Variants in ACADM observed in about 807,000 individuals in gnomAD.
ACADM encodes acyl-CoA dehydrogenase medium chain, also known as medium-chain specific acyl-CoA dehydrogenase, mitochondrial.
A neutral mutation model predicts 58.9 loss-of-function variants in ACADM; 49 were observed. The observed-to-expected ratio is 0.83, with a 90% CI of 0.66 to 1.06. The LOEUF is 1.06. Among genes scored for constraint, ACADM ranks in the 50% least tolerant of loss-of-function variants. The pLI is 0.00. For synonymous variants in ACADM, 160 were observed against 157.7 expected, an observed-to-expected ratio of 1.01 and a Z score of -0.11; for missense variants, 496 against 507.0, an observed-to-expected ratio of 0.98 and a Z score of 0.21.
Position 75,761,197 on chromosome 1 carries a change from G to T in ACADM, c.1021G>T (p.Ala341Ser), listed in dbSNP as rs1424545377. 1 of 1,614,040 alleles carries T rather than the reference G, an allele frequency of 6.2e-7. No individual in the cohort carries two copies. The highest frequency in any genetic ancestry group is 1.3e-5 in the African/African-American group (1 of 74,948). ...ELARMSYQRA[A>S]WEVDSGRRNT... ...AGCTAGAATGAGTTACCAGAGAGCA[G>T]CTTGGGAGGTTGATTCTGGTCGTCG... The change falls in exon 11 of 12, where the codon GCT becomes TCT. Residue 341 changes from alanine (A) to serine (S), a missense_variant. Coordinates refer to ENST00000370841, the MANE Select transcript of ACADM (RefSeq NM_000016.6).
intron 7 of ACADM, among the ~76,000 whole-genome samples, chr1:75,741,282 T>A (rs1332694556): frequency 6.6e-6 from 1 of 152,246 alleles, no homozygotes; most frequent in Non-Finnish European, 1.5e-5. Flanking sequence ...ACTAAAAAGT[T>A]ACTTAGATTA....
rs538518754 is a variant in ACADM at position 75,749,526 on chromosome 1, T to C, written c.816T>C (p.Val272=). 1 of 1,614,112 alleles carries C rather than the reference T, an allele frequency of 6.2e-7. No homozygotes were observed. Among genetic ancestry groups the C allele is most frequent in the African/African-American group, 1.3e-5 (1 of 75,052 alleles). Residue 272 remains valine (V), a synonymous_variant, in exon 9 of 12, where the codon GTT becomes GTC. Coordinates refer to ENST00000370841, the MANE Select transcript of ACADM (RefSeq NM_000016.6). The stretch of plus-strand genomic sequence containing the variant: ...TTGGTGACGGAGCTGGTTTCAAAGT[T>C]GCAATGGGAGCTTTTGATAAAACCA... The part of the protein sequence containing the change: ...VLIGDGAGFK[V]AMGAFDKTRP...
At chr1:75,749,612 ATAAG>A (rs1168954466) in intron 9 of ACADM, 53 bp downstream of exon 9, 1 of 1,498,086 alleles carries the variant, frequency 6.7e-7, no homozygotes, top group Non-Finnish European at 9.2e-7. Flanking sequence ...ATTACATTAA[ATAAG>A]TATTTTTACT....
chr1:75,724,752 T>TG lies in ACADM; in HGVS notation c.-35dup, dbSNP rs1647019094. The TG allele has an allele frequency of 5.2e-6, 8 of 1,537,368 alleles. No individual in the cohort carries two copies. The highest frequency in any genetic ancestry group is 7.0e-6 in the Non-Finnish European group (8 of 1,141,218). ...GGGAGTATGTCAAGGCCGTGACCCG[T>TG]GTATTATTGTCCGAGTGGCCGGAAC... On this transcript the variant is annotated 5_prime_UTR_variant, in exon 1 of 12. Coordinates refer to ENST00000370841, the MANE Select transcript of ACADM (RefSeq NM_000016.6).
chr1:75,744,588 T>C, intron 7 of ACADM: 1 of 1,324,024 alleles, frequency 7.6e-7, no homozygotes, highest in Non-Finnish European at 1.1e-6. Flanking sequence ...TGCATACAGT[T>C]GTAGTTCTGA....
At chr1:75,732,958 T>C in intron 4 of ACADM, 36 bp downstream of exon 4, 1 of 1,613,040 alleles carries the variant, frequency 6.2e-7, no homozygotes, top group Non-Finnish European at 8.5e-7. Flanking sequence ...CTGGAATGCA[T>C]ATGAGTAAGA....
intron 10 of ACADM, among the ~76,000 whole-genome samples, chr1:75,759,876 G>T (rs969180652): frequency 6.6e-6 from 1 of 151,680 alleles, no homozygotes; most frequent in South Asian, 2.1e-4. Context: ...GGTCAGGCTC[G>T]TCTCAAACTC....
intron 7 of ACADM, chr1:75,743,304 T>A (rs11578480): frequency 8.5e-7 from 1 of 1,183,172 alleles, no homozygotes; most frequent in Non-Finnish European, 1.2e-6. Flanking sequence ...GCTTCCTTGC[T>A]TGAGGCCAAC....
At position 75,733,107 on chromosome 1, in the gene ACADM, C is replaced by T. The variant is rs2100364400; in HGVS notation, c.286+185C>T. On this transcript the variant is annotated intron_variant, in intron 4 of 11. Transcript: ENST00000370841. ...CACTCTATACCTAGATGCGTTTTTC[C>T]TTCTTCTAACTGGTTCCAACCTTAA... is the stretch of plus-strand genomic sequence containing the variant. 1.9e-6 allele frequency: 3 copies of T among 1,612,814 alleles called. No homozygotes were observed. The East Asian group carries it at 6.7e-5, about 36-fold the overall frequency.
At position 75,746,679 on chromosome 1, in the gene ACADM, A is replaced by T. The variant is rs148392369; in HGVS notation, c.708+765A>T. Among the ~76,000 whole-genome samples, 938 of 151,544 alleles carry T rather than the reference A, an allele frequency of 6.2e-3. 12 individuals are homozygous for T. Among genetic ancestry groups the T allele is most frequent in the African/African-American group, 0.022 (902 of 41,216 alleles). ...AGTGGCAGGATCTCAGCTCACTGCA[A>T]CCTCTGCCTCCTGGGCTCAAACAAT... On this transcript the variant is annotated intron_variant, in intron 8 of 11. Coordinates refer to ENST00000370841, the MANE Select transcript of ACADM (RefSeq NM_000016.6).
chr1:75,758,647 T>C (rs1355544603), intron 10 of ACADM, among the ~76,000 whole-genome samples: 1 of 152,118 alleles, frequency 6.6e-6, no homozygotes, highest in Non-Finnish European at 1.5e-5. Flanking sequence ...TAAAGGATTG[T>C]AAACACACCA....
rs1648825362 is a variant in ACADM, at chr1:75,761,154, G to A, written c.978G>A (p.Met326Ile). The A allele has an allele frequency of 6.2e-7, 1 of 1,613,854 alleles. No homozygotes were observed. The highest frequency in any genetic ancestry group is 1.7e-5 in the Admixed American group (1 of 60,002). Residue 326 changes from methionine (M) to isoleucine (I), a missense_variant, in exon 11 of 12, where the codon ATG (methionine) becomes ATA (isoleucine). Physicochemically the swap from Met to Ile is conservative, Grantham distance 10. Coordinates refer to ENST00000370841, the MANE Select transcript of ACADM (RefSeq NM_000016.6). ...HQAISFMLAE[M>I]AMKVELARMS... ...CAATATCATTTATGCTGGCTGAAATGGCAATGAAAGTTGAACTAGCTAGAA... is the reference window on the plus strand; with the variant it reads ...CAATATCATTTATGCTGGCTGAAATAGCAATGAAAGTTGAACTAGCTAGAA...
In ACADM at chr1:75,749,712, CTTT is replaced by C. The variant is rs35897798; in HGVS notation, c.849+170_849+172del. Among the ~76,000 whole-genome samples the C allele has an allele frequency of 2.8e-4, 33 of 118,128 alleles. No homozygotes were observed. The East Asian group carries it at 6.5e-3, about 23-fold the overall frequency. 77.5% of individuals were successfully genotyped at this position (118,128 alleles called of 152,430 possible). On this transcript the variant is annotated intron_variant, in intron 9 of 11. Coordinates refer to ENST00000370841, the MANE Select transcript of ACADM (RefSeq NM_000016.6). ...AGGAAAAATACTGTTACTTTTCTTT[CTTT>C]TTTTTTTTTTTTTTTTGAGACAGAG...
rs1647170204 is a variant in ACADM, at chr1:75,732,862, C to T, written c.226C>T (p.Pro76Ser). Residue 76 changes from proline to serine, a missense_variant, in exon 4 of 12, where the codon CCC (proline) becomes TCC (serine). Physicochemically the swap from Pro to Ser is moderately conservative, Grantham distance 74. Coordinates refer to ENST00000370841, the MANE Select transcript of ACADM (RefSeq NM_000016.6). ...EYDKTGEYPV[P>S]LIRRAWELGL... ...GTTCTTTTTCTTCTAGTATCCAGTC[C>T]CCCTAATTAGAAGAGCCTGGGAACT... is the stretch of plus-strand genomic sequence containing the variant. 6.2e-7 allele frequency: 1 copy of T among 1,613,252 alleles called. No individual in the cohort carries two copies. The highest frequency in any genetic ancestry group is 1.3e-5 in the African/African-American group (1 of 74,988).
Position 75,733,518 on chromosome 1 carries a change from G to T in ACADM, c.287-10G>T, listed in dbSNP as rs368875210. On this transcript the variant is annotated splice_polypyrimidine_tract_variant and intron_variant, in intron 4 of 11. Coordinates refer to ENST00000370841, the MANE Select transcript of ACADM (RefSeq NM_000016.6). ...ATATTACAATGTGTTGAAACATTTT[G>T]ATACTGTAGGAGGTCTTGGACTTGG... 5.0e-6 allele frequency: 8 copies of T among 1,602,802 alleles called. No homozygotes were observed. Among genetic ancestry groups the T allele is most frequent in the Non-Finnish European group, 6.8e-6 (8 of 1,169,850 alleles).
intron 7 of ACADM, 51 bp from the exon 8 acceptor site, chr1:75,745,755 A>C (rs1647859654): frequency 8.1e-7 from 1 of 1,227,558 alleles, no homozygotes; most frequent in Non-Finnish European, 1.2e-6. Context: ...AGCAATCACC[A>C]TGTGTTATTT....
intron 7 of ACADM, chr1:75,743,920 T>G: frequency 6.7e-7 from 1 of 1,497,576 alleles, no homozygotes; most frequent in Middle Eastern, 1.8e-4. Flanking sequence ...GGCTGAGGCC[T>G]TCACAGATGC....
intron 10 of ACADM, among the ~76,000 whole-genome samples, chr1:75,754,112 A>G (rs1339249205): frequency 6.6e-6 from 1 of 150,712 alleles, no homozygotes; most frequent in African/African-American, 2.4e-5. Flanking sequence ...TTCATTTTTA[A>G]TTGGTAGGTA....
chr1:75,744,020 C>T, intron 7 of ACADM: 1 of 1,576,134 alleles, frequency 6.3e-7, no homozygotes, highest in South Asian at 1.1e-5. Context: ...ACATCAATCT[C>T]ATTAAAAATT....
Sources: allele counts gnomAD v4.1 joint callset (sites outside exome capture counted in the v4.1 genomes callset), GRCh38; gene constraint gnomAD v4.1.1; transcripts MANE v1.5; gene names NCBI Gene and HGNC (gene_info 2026-07-23, HGNC 2026-07-21).